Variants in SYT16 observed in about 807,000 individuals in gnomAD.
SYT16 encodes the protein synaptotagmin 16, also known as synaptotagmin-16.
SYT16 carries 42 observed loss-of-function variants against 61.4 expected under a neutral mutation model. That is an observed-to-expected ratio of 0.68 (90% confidence interval 0.53 to 0.89). The LOEUF (loss-of-function observed/expected upper bound fraction) is 0.89. SYT16 is among the 40% of genes least tolerant of loss of function. The pLI is 0.00. For missense variants in SYT16, 804 were observed against 807.3 expected, an observed-to-expected ratio of 1.00 and a Z score of 0.05; for synonymous variants, 314 against 302.3, an observed-to-expected ratio of 1.04 and a Z score of -0.40.
chr14:62,108,340 A>G lies in SYT16; in HGVS notation c.*7633A>G, dbSNP rs1230456716. On this transcript the variant is annotated 3_prime_UTR_variant, in exon 8 of 8. Transcript: ENST00000683842. ...TCGTGTTGCCCAGTTGATAGTCCAT[A>G]ATAAAAAATGTACATATCTTGTTTA... The G allele has an allele frequency of 6.6e-6, 1 of 152,210 alleles. No individual in the cohort carries two copies. The highest frequency in any genetic ancestry group is 1.5e-5 in the Non-Finnish European group (1 of 68,032). The allele number at this position is 152,210 out of a possible 1,614,324, so 9.4% of individuals were successfully genotyped here.
At chr14:61,827,566 A>G (rs1278980991) in intron 1 of SYT16, among the ~76,000 whole-genome samples, 1 of 152,240 alleles carries the variant, frequency 6.6e-6, no homozygotes, top group Admixed American at 6.5e-5. Flanking sequence ...GAAATGAGTC[A>G]TTGATAGAAT....
intron 2 of SYT16, among the ~76,000 whole-genome samples, chr14:61,991,946 GTTCGTTCA>G (rs1282853177): frequency 6.6e-4 from 79 of 120,366 alleles, no homozygotes; most frequent in African/African-American, 2.1e-3. Flanking sequence ...TAATAACTTT[GTTCGTTCA>G]TTCATTCATT....
chr14:62,049,793 A>C (rs1180336857), intron 3 of SYT16, among the ~76,000 whole-genome samples: 3 of 152,210 alleles, frequency 2.0e-5, no homozygotes, highest in African/African-American at 7.2e-5. Flanking sequence ...AATGTTGAAT[A>C]TTGGTTCCCA....
At chr14:61,844,209 G>A (rs1006016236) in intron 1 of SYT16, among the ~76,000 whole-genome samples, 1 of 151,988 alleles carries the variant, frequency 6.6e-6, no homozygotes, top group Non-Finnish European at 1.5e-5. Context: ...TTGTCATGTA[G>A]AAATGCTGAT....
intron 1 of SYT16, among the ~76,000 whole-genome samples, chr14:61,952,213 A>G (rs1204205236): frequency 6.6e-6 from 1 of 151,988 alleles, no homozygotes; most frequent in Non-Finnish European, 1.5e-5. Flanking sequence ...TAAGCATGCC[A>G]TTGAAAACCC....
intron 2 of SYT16, among the ~76,000 whole-genome samples, chr14:61,973,541 A>C (rs1006001172): frequency 4.6e-5 from 7 of 152,210 alleles, no homozygotes; most frequent in African/African-American, 1.4e-4. Flanking sequence ...CAGCTTTGAG[A>C]TAAAAAATTG....
At chr14:61,972,506 T>A (rs1352745091) in intron 2 of SYT16, among the ~76,000 whole-genome samples, 3 of 152,292 alleles carry the variant, frequency 2.0e-5, no homozygotes, top group East Asian at 3.9e-4. Context: ...AAAGGGAGCT[T>A]TAAAAATAGT....
At chr14:62,024,896 G>T (rs76577537) in intron 3 of SYT16, among the ~76,000 whole-genome samples, 15,994 of 151,862 alleles carry the variant, frequency 0.11, 944 homozygotes, top group Middle Eastern at 0.14. Context: ...GTATATAGGT[G>T]TTTCACGTGG....
intron 3 of SYT16, among the ~76,000 whole-genome samples, chr14:62,059,866 GT>G (rs924564772): frequency 1.3e-5 from 2 of 151,764 alleles, no homozygotes; most frequent in Admixed American, 6.6e-5. Context: ...TCAAGCATCA[GT>G]TTTTGAAAAG....
intron 2 of SYT16, among the ~76,000 whole-genome samples, chr14:61,981,065 A>G (rs2052053501): frequency 6.6e-6 from 1 of 152,144 alleles, no homozygotes; most frequent in South Asian, 2.1e-4. Context: ...GATAGACTGG[A>G]GATCCAGGGA....
intron 3 of SYT16, among the ~76,000 whole-genome samples, chr14:62,062,760 G>C (rs143676397): frequency 1.3e-5 from 2 of 151,758 alleles, no homozygotes; most frequent in African/African-American, 4.8e-5. Flanking sequence ...GAGAAATCTC[G>C]TATCTAAGGG....
chr14:61,901,741 T>A (rs1351187932), intron 1 of SYT16, among the ~76,000 whole-genome samples: 2 of 147,570 alleles, frequency 1.4e-5, no homozygotes, highest in African/African-American at 5.0e-5. Context: ...TTCATCTGCT[T>A]ATAATAATAA....
At chr14:61,938,964 G>A (rs143534652) in intron 1 of SYT16, among the ~76,000 whole-genome samples, 9 of 152,172 alleles carry the variant, frequency 5.9e-5, no homozygotes, top group Non-Finnish European at 1.2e-4. Flanking sequence ...GTGAAACCTC[G>A]TCTCTACTAA....
chr14:61,973,855 G>A (rs985364046), intron 2 of SYT16, among the ~76,000 whole-genome samples: 2 of 152,176 alleles, frequency 1.3e-5, no homozygotes, highest in African/African-American at 4.8e-5. Context: ...TTGAAGTGGT[G>A]AAAGGAAAGA....
chr14:62,069,859 ATGG>A (rs775135849), intron 4 of SYT16, 44 bp downstream of exon 4: 15 of 1,589,132 alleles, frequency 9.4e-6, no homozygotes, highest in African/African-American at 1.3e-5. Flanking sequence ...GGGATGGCCA[ATGG>A]TAAGAGTGCA....
intron 1 of SYT16, among the ~76,000 whole-genome samples, chr14:61,815,545 G>GA (rs2045401785): frequency 6.6e-6 from 1 of 152,118 alleles, no homozygotes; most frequent in Admixed American, 6.5e-5. Context: ...AAAATATGGA[G>GA]ATATTTTTAA....
chr14:62,008,313 T>A (rs2053307078), intron 3 of SYT16, among the ~76,000 whole-genome samples: 1 of 152,090 alleles, frequency 6.6e-6, no homozygotes, highest in South Asian at 2.1e-4. Flanking sequence ...TTTGAACTCA[T>A]GTTAATTATG....
intron 3 of SYT16, among the ~76,000 whole-genome samples, chr14:62,061,760 A>T (rs1170945793): frequency 6.6e-6 from 1 of 152,182 alleles, no homozygotes; most frequent in Non-Finnish European, 1.5e-5. Context: ...GACGTAACAA[A>T]CTAAAAGGGG....
intron 3 of SYT16, among the ~76,000 whole-genome samples, chr14:62,067,190 T>C (rs1295292069): frequency 6.6e-6 from 1 of 152,142 alleles, no homozygotes; most frequent in Non-Finnish European, 1.5e-5. Flanking sequence ...CATTCAATAT[T>C]TAACAAGTAT....
Sources: allele counts gnomAD v4.1 joint callset (sites outside exome capture counted in the v4.1 genomes callset), GRCh38; gene constraint gnomAD v4.1.1; transcripts MANE v1.5; gene names NCBI Gene and HGNC (gene_info 2026-07-23, HGNC 2026-07-21).